PIAS1: variants seen among roughly 807,000 people sequenced by gnomAD.
PIAS1 encodes E3 SUMO-protein ligase PIAS1.
A neutral mutation model predicts 71.3 loss-of-function variants in PIAS1; 6 were observed. The observed-to-expected ratio is 0.08, with a 90% CI of 0.05 to 0.17. PIAS1 has a LOEUF of 0.17. Among genes scored for constraint, PIAS1 ranks in the 10% least tolerant of loss-of-function variants. The probability of loss-of-function intolerance (pLI) is 1.00; values close to 1 mark genes in which losing one functional copy is unlikely to be tolerated. For missense variants in PIAS1, 555 were observed against 793.6 expected, an observed-to-expected ratio of 0.70 and a Z score of 3.61; for synonymous variants, 303 against 292.9, an observed-to-expected ratio of 1.03 and a Z score of -0.35.
At position 68,086,720 on chromosome 15, in the gene PIAS1, C is replaced by T. The variant is rs1167904194; in HGVS notation, c.439C>T (p.Leu147=). The change falls in exon 2 of 14, where the codon CTG becomes TTG. Residue 147 remains leucine (L), a synonymous_variant. Coordinates refer to ENST00000249636, the MANE Select transcript of PIAS1 (RefSeq NM_016166.3). This position sits in a 1 kb window ranked among gnomAD's most constrained non-coding sequence, Gnocchi z 7.2. ...TCAAAAATTACCATTTTATGATTTA[C>T]TGGATGAACTGATAAAACCCACCAG... ...KLQKLPFYDL[L]DELIKPTSLA... 1.9e-6 allele frequency: 3 copies of T among 1,611,214 alleles called. No individual in the cohort carries two copies. The highest frequency in any genetic ancestry group is 2.5e-6 in the Non-Finnish European group (3 of 1,177,406).
intron 7 of PIAS1, among the ~76,000 whole-genome samples, chr15:68,162,293 G>C (rs2092929592): frequency 6.6e-6 from 1 of 152,224 alleles, no homozygotes; most frequent in Non-Finnish European, 1.5e-5. Context: ...TTGATACTAT[G>C]ATCTATAATA....
Position 68,176,575 on chromosome 15 carries a change from T to C in PIAS1, c.1402T>C (p.Ser468Pro). The C allele has an allele frequency of 6.2e-7, 1 of 1,613,184 alleles. No individual in the cohort carries two copies. Among genetic ancestry groups the C allele is most frequent in the African/African-American group, 1.3e-5 (1 of 74,994 alleles). ...EVIDLTIDSS[S>P]DEEEEEPSAK... ...GATTGACCTAACCATAGACAGTTCATCTGATGAAGAGGAAGAAGAGCCATC... is the reference window on the plus strand; with the variant it reads ...GATTGACCTAACCATAGACAGTTCACCTGATGAAGAGGAAGAAGAGCCATC... Residue 468 changes from serine (S) to proline (P), a missense_variant, in exon 11 of 14, where the codon TCT becomes CCT. By Grantham distance (74) the Ser-to-Pro change is moderately conservative (BLOSUM62 -1). Coordinates refer to ENST00000249636, the MANE Select transcript of PIAS1 (RefSeq NM_016166.3).
At position 68,054,391 on chromosome 15, in the gene PIAS1, G is replaced by C. The variant is rs1207797335; in HGVS notation, c.24+41G>C. 2 of 1,552,250 alleles carry C rather than the reference G, an allele frequency of 1.3e-6. No individual in the cohort carries two copies. Among genetic ancestry groups the C allele is most frequent in the South Asian group, 1.2e-5 (1 of 84,240 alleles). On this transcript the variant is annotated intron_variant, in intron 1 of 13. Transcript: ENST00000249636. This position sits in a 1 kb window ranked among gnomAD's most constrained non-coding sequence, Gnocchi z 4.6. ...AATTCACTTCTAATATTCGGCCGCG[G>C]AGACGGCGCCGCTGCTGCCAGGGGG...
chr15:68,091,216 C>T (rs2092330168), intron 2 of PIAS1, among the ~76,000 whole-genome samples: 1 of 151,890 alleles, frequency 6.6e-6, no homozygotes, highest in African/African-American at 2.4e-5. Flanking sequence ...ATATCTTGTC[C>T]ATTCAGGGAC....
intron 2 of PIAS1, among the ~76,000 whole-genome samples, chr15:68,139,770 CAGAT>C (rs1427586568): frequency 2.0e-5 from 3 of 151,864 alleles, no homozygotes; most frequent in Non-Finnish European, 2.9e-5. Flanking sequence ...CTTTGTTTTG[CAGAT>C]AGATACTTTT....
chr15:68,101,064 A>C (rs760361422), intron 2 of PIAS1, among the ~76,000 whole-genome samples: 1 of 151,630 alleles, frequency 6.6e-6, no homozygotes, highest in Non-Finnish European at 1.5e-5. Flanking sequence ...ACACCTGGCT[A>C]ATTCTTTGTA....
At chr15:68,083,839 C>G (rs2092253218) in intron 1 of PIAS1, among the ~76,000 whole-genome samples, 1 of 151,076 alleles carries the variant, frequency 6.6e-6, no homozygotes, top group Non-Finnish European at 1.5e-5. Flanking sequence ...TGAGAACAGT[C>G]TGGGCAACAT....
chr15:68,168,487 G>A (rs561085196), intron 8 of PIAS1, among the ~76,000 whole-genome samples: 57 of 152,206 alleles, frequency 3.7e-4, no homozygotes, highest in African/African-American at 1.3e-3. Flanking sequence ...AGTTAGTGGC[G>A]TTAGAAAACA....
chr15:68,124,406 G>GTTT (rs553374128), intron 2 of PIAS1, among the ~76,000 whole-genome samples: 6 of 143,218 alleles, frequency 4.2e-5, no homozygotes, highest in Non-Finnish European at 9.1e-5. Context: ...GTTGTTTTTT[G>GTTT]TTTTTTTTTT....
chr15:68,092,377 G>C (rs2092339613), intron 2 of PIAS1, among the ~76,000 whole-genome samples: 1 of 151,930 alleles, frequency 6.6e-6, no homozygotes, highest in African/African-American at 2.4e-5. Context: ...TTGTCATGTT[G>C]GCCAGGCTTG....
At chr15:68,169,138 G>A (rs2141084015) in intron 8 of PIAS1, among the ~76,000 whole-genome samples, 1 of 152,216 alleles carries the variant, frequency 6.6e-6, no homozygotes, top group East Asian at 1.9e-4. Flanking sequence ...TTTAGTCTGT[G>A]GTTTCTCTAC....
At chr15:68,067,274 C>A (rs1190067231) in intron 1 of PIAS1, among the ~76,000 whole-genome samples, 1 of 152,012 alleles carries the variant, frequency 6.6e-6, no homozygotes, top group Non-Finnish European at 1.5e-5. Context: ...TTCTAACAGC[C>A]CCCTTGTACC....
chr15:68,179,561 GTTCTTTTTT>G (rs1402986695), intron 11 of PIAS1, among the ~76,000 whole-genome samples: 17 of 30,194 alleles, frequency 5.6e-4, no homozygotes, highest in African/African-American at 8.9e-4. Context: ...CTCGTGAAAT[GTTCTTTTTT>G]TTTTTTTTTT....
chr15:68,111,557 C>G (rs192537292), intron 2 of PIAS1, among the ~76,000 whole-genome samples: 1 of 151,996 alleles, frequency 6.6e-6, no homozygotes, highest in Non-Finnish European at 1.5e-5. Flanking sequence ...AAGTAAAATT[C>G]CTATCCTGCA....
intron 1 of PIAS1, among the ~76,000 whole-genome samples, chr15:68,084,715 A>G (rs1253783293): frequency 6.6e-6 from 1 of 152,130 alleles, no homozygotes; most frequent in African/African-American, 2.4e-5. Context: ...AAGAGTTTCC[A>G]CTGTTGTCAG....
At chr15:68,069,677 G>GC (rs888130089) in intron 1 of PIAS1, among the ~76,000 whole-genome samples, 13 of 151,954 alleles carry the variant, frequency 8.6e-5, no homozygotes, top group Admixed American at 2.6e-4. Flanking sequence ...TGGCGCGGGA[G>GC]CCTGTAGTCC....
At chr15:68,139,608 A>G (rs2141044263) in intron 2 of PIAS1, among the ~76,000 whole-genome samples, 1 of 152,342 alleles carries the variant, frequency 6.6e-6, no homozygotes, top group East Asian at 1.9e-4. Context: ...CATCACCGTG[A>G]ACCCCATTAA....
intron 8 of PIAS1, among the ~76,000 whole-genome samples, chr15:68,168,214 GGC>G (rs2092969390): frequency 6.6e-6 from 1 of 151,900 alleles, no homozygotes; most frequent in South Asian, 2.1e-4. Context: ...TCACCATGTT[GGC>G]TAGGCTAGTC....
intron 2 of PIAS1, among the ~76,000 whole-genome samples, chr15:68,125,164 T>C (rs965960805): frequency 3.3e-5 from 5 of 152,232 alleles, no homozygotes; most frequent in African/African-American, 9.6e-5. Context: ...TTCTTTTTTT[T>C]TCCCCCTGTG....
Sources: allele counts gnomAD v4.1 joint callset (sites outside exome capture counted in the v4.1 genomes callset), GRCh38; gene constraint gnomAD v4.1.1; non-coding constraint Gnocchi (gnomAD v3.1); transcripts MANE v1.5; gene names NCBI Gene and HGNC (gene_info 2026-07-23, HGNC 2026-07-21).